NEXMIF: variants seen among roughly 807,000 people sequenced by gnomAD.
NEXMIF encodes neurite extension and migration factor, also known as XLMR protein related to neurite extension.
NEXMIF carries 8 observed loss-of-function variants against 62.1 expected under a neutral mutation model. The ratio of observed to expected loss-of-function variants is 0.13; its 90% CI spans 0.08 to 0.23. The LOEUF (loss-of-function observed/expected upper bound fraction) is 0.23, where lower values mean the gene tolerates loss of function less well. NEXMIF is among the 10% of genes least tolerant of loss of function. The pLI, the probability that NEXMIF is intolerant of heterozygous loss-of-function variation, is 1.00. For missense variants in NEXMIF, 976 were observed against 1,113.3 expected (o/e 0.88, Z 1.75); for synonymous variants, 404 against 416.6 (o/e 0.97, Z 0.37).
intron 1 of NEXMIF, among the ~76,000 whole-genome samples, chrX:74,841,275 G>A (rs1019827775): frequency 1.8e-5 from 2 of 111,363 alleles, no homozygotes; most frequent in Non-Finnish European, 3.8e-5. Flanking sequence ...TTGGCTCTCG[G>A]TCTGGCTGTT....
intron 1 of NEXMIF, among the ~76,000 whole-genome samples, chrX:74,884,862 C>T (rs182342778): frequency 1.8e-5 from 2 of 111,592 alleles, no homozygotes; most frequent in Non-Finnish European, 3.8e-5. Flanking sequence ...AGCACCACAC[C>T]ACACCTATTC....
chrX:74,845,921 A>G (rs998751908), intron 1 of NEXMIF, among the ~76,000 whole-genome samples: 7 of 112,251 alleles, frequency 6.2e-5, no homozygotes, highest in African/African-American at 2.3e-4. Context: ...TCCTTATGCA[A>G]CTGTCTTCCC....
chrX:74,748,432 G>A (rs1263583724), intron 1 of NEXMIF, among the ~76,000 whole-genome samples: 1 of 111,671 alleles, frequency 9.0e-6, no homozygotes, highest in Non-Finnish European at 1.9e-5. Flanking sequence ...ATTTTGGGGA[G>A]GAATTATAAT....
chrX:74,867,440 T>A (rs188472373), intron 1 of NEXMIF, among the ~76,000 whole-genome samples: 1 of 111,535 alleles, frequency 9.0e-6, no homozygotes, highest in Non-Finnish European at 1.9e-5. Flanking sequence ...AACAGACACA[T>A]AGACCAATGG....
At chrX:74,758,872 A>C (rs1432957671) in intron 1 of NEXMIF, among the ~76,000 whole-genome samples, 1 of 112,290 alleles carries the variant, frequency 8.9e-6, no homozygotes, top group African/African-American at 3.2e-5. Context: ...ATATGTATGC[A>C]TGTGTCTTTA....
chrX:74,760,223 T>A (rs772847128), intron 1 of NEXMIF, among the ~76,000 whole-genome samples: 2 of 112,148 alleles, frequency 1.8e-5, no homozygotes, highest in Non-Finnish European at 3.8e-5. Context: ...ATGCTAGTGA[T>A]TTTTGTACAT....
At chrX:74,806,600 C>A (rs936170680) in intron 1 of NEXMIF, among the ~76,000 whole-genome samples, 1 of 111,566 alleles carries the variant, frequency 9.0e-6, no homozygotes, top group Non-Finnish European at 1.9e-5. Context: ...AAAAACTAAT[C>A]AAAAAAATAA....
rs1001148818 is a variant in NEXMIF, at chrX:74,735,663, G to C, written c.*3742C>G. 8.9e-6 allele frequency: 1 copy of C among 112,140 alleles called. No individual in the cohort carries two copies. The highest frequency in any genetic ancestry group is 1.9e-5 in the Non-Finnish European group (1 of 53,225). The allele number at this position is 112,140 out of a possible 1,213,427, so 9.2% of individuals were successfully genotyped here. A position where few individuals can be genotyped will look rare whatever the true frequency, so the allele number is the denominator to read the frequency against. On this transcript the variant is annotated 3_prime_UTR_variant, in exon 4 of 4. Coordinates refer to ENST00000055682, the MANE Select transcript of NEXMIF (RefSeq NM_001008537.3). ...TCACAAAAGCCCAGCTAGCACCAAG[G>C]ACTTCAGTGAGATGGCTGAAGAAGT...
chrX:74,878,705 A>G lies in NEXMIF; in HGVS notation c.-48+46178T>C, dbSNP rs191059646. Among the ~76,000 whole-genome samples, 542 of 112,508 alleles carry G rather than the reference A, an allele frequency of 4.8e-3. 2 individuals carry two copies. The highest frequency in any genetic ancestry group is 0.017 in the African/African-American group (513 of 31,019). On this transcript the variant is annotated intron_variant, in intron 1 of 3. Coordinates refer to ENST00000055682, the MANE Select transcript of NEXMIF (RefSeq NM_001008537.3). ...AGAATCTCCTGATGCGCCGTTTTTT[A>G]AGCCTGTTGGAAAAGCGCAGTATTC... is the stretch of plus-strand genomic sequence containing the variant.
intron 1 of NEXMIF, among the ~76,000 whole-genome samples, chrX:74,921,481 A>G (rs781580682): frequency 1.8e-5 from 2 of 112,396 alleles, no homozygotes; most frequent in East Asian, 5.6e-4. Flanking sequence ...ACTTAAAGGT[A>G]GCTCCAAGTG....
chrX:74,766,627 G>A (rs1423416098), intron 1 of NEXMIF, among the ~76,000 whole-genome samples: 5 of 111,618 alleles, frequency 4.5e-5, no homozygotes, highest in African/African-American at 1.6e-4. Flanking sequence ...GTCAGCTCCT[G>A]TATCATTTTA....
Position 74,740,376 on chromosome X carries a change from G to A in NEXMIF, c.4181C>T (p.Ser1394Leu). The A allele has an allele frequency of 2.5e-6, 3 of 1,211,685 alleles. No homozygotes were observed. The highest frequency in any genetic ancestry group is 2.2e-6 in the Non-Finnish European group (2 of 895,500). ...GSQGATKNHRSIKGVSKSNGK... is the reference protein window; with the variant it reads ...GSQGATKNHRLIKGVSKSNGK... ...ATTGCTTTTGCTCACACCCTTGATT[G>A]ACCTGTGATTCTTAGTGGCTCCTTG... The change falls in exon 3 of 4, where the codon TCA becomes TTA. Residue 1394 changes from serine (S) to leucine (L), a missense_variant. Around this residue, in one of 5 missense-constraint regions of NEXMIF, gnomAD observed 137 missense variants for 128.9 expected, o/e 1.06. Transcript: ENST00000055682.
At chrX:74,820,901 T>C (rs2080392996) in intron 1 of NEXMIF, among the ~76,000 whole-genome samples, 1 of 110,906 alleles carries the variant, frequency 9.0e-6, no homozygotes, top group African/African-American at 3.3e-5. Flanking sequence ...ATTGAGAAAC[T>C]ACCTATCGAG....
In NEXMIF at chrX:74,853,445, C is replaced by T. The variant is rs150525259; in HGVS notation, c.-48+71438G>A. 2.7e-4 allele frequency among the ~76,000 whole-genome samples: 29 copies of T among 107,838 alleles called. No homozygotes were observed. The East Asian group carries it at 8.1e-3, about 30-fold the overall frequency. 93.6% of individuals were successfully genotyped at this position (107,838 alleles called of 115,157 possible). On this transcript the variant is annotated intron_variant, in intron 1 of 3. Coordinates refer to ENST00000055682, the MANE Select transcript of NEXMIF (RefSeq NM_001008537.3). The stretch of plus-strand genomic sequence containing the variant: ...TTTTACCTGGAGGCTGCCATGATAC[C>T]CATTAACATAGTGACAAGCAAAAGA...
At position 74,741,118 on chromosome X, in the gene NEXMIF, C is replaced by G. The variant is rs1569335080; in HGVS notation, c.3439G>C (p.Val1147Leu). 1.7e-6 allele frequency: 2 copies of G among 1,211,062 alleles called. No individual in the cohort carries two copies. Among genetic ancestry groups the G allele is most frequent in the Non-Finnish European group, 2.2e-6 (2 of 895,007 alleles). Reference protein sequence around the residue: ...QFHMFNDEDSVSLLQKNPCLS... With the variant: ...QFHMFNDEDSLSLLQKNPCLS... Reference sequence around the variant, plus strand: ...CAAGGGTTTTTTTGGAGCAGGCTGACAGAATCCTCATCATTGAACATATGG... The same window carrying G: ...CAAGGGTTTTTTTGGAGCAGGCTGAGAGAATCCTCATCATTGAACATATGG... Residue 1147 changes from valine to leucine, a missense_variant, in exon 3 of 4, where the codon GTC (valine) becomes CTC (leucine). By Grantham distance (32) the Val-to-Leu change is conservative. Around this residue, in one of 5 missense-constraint regions of NEXMIF, gnomAD observed 639 missense variants for 694.5 expected, o/e 0.92. Transcript: ENST00000055682.
intron 1 of NEXMIF, among the ~76,000 whole-genome samples, chrX:74,807,122 C>T (rs1016640981): frequency 8.9e-6 from 1 of 112,280 alleles, no homozygotes; most frequent in Non-Finnish European, 1.9e-5. Context: ...AATCTAAAGA[C>T]TAAGTTGGGA....
At chrX:74,921,303 C>G (rs1041503571) in intron 1 of NEXMIF, among the ~76,000 whole-genome samples, 1 of 111,117 alleles carries the variant, frequency 9.0e-6, no homozygotes, top group South Asian at 3.8e-4. Flanking sequence ...TCTATCATCA[C>G]TAAAAGGCAG....
chrX:74,876,786 C>T (rs781158296), intron 1 of NEXMIF, among the ~76,000 whole-genome samples: 76 of 102,286 alleles, frequency 7.4e-4, no homozygotes, highest in South Asian at 1.5e-3. Flanking sequence ...GGTTTAAAGT[C>T]TGTTTTATCA....
chrX:74,923,892 C>T (rs2080834638), intron 1 of NEXMIF, among the ~76,000 whole-genome samples: 1 of 112,470 alleles, frequency 8.9e-6, no homozygotes, highest in South Asian at 3.7e-4. Context: ...GAGCCAAGAT[C>T]CAGAAGCAAA....
Sources: gnomAD v4.1 joint callset for allele counts (sites outside exome capture counted in the v4.1 genomes callset) on GRCh38, gnomAD v4.1.1 for gene constraint, gnomAD v4.1.1 regional missense constraint, MANE v1.5 for transcripts, NCBI Gene and HGNC (gene_info 2026-07-23, HGNC 2026-07-21) for gene names.